Variants in TAOK1 observed in about 807,000 individuals in gnomAD.
TAOK1 encodes serine/threonine-protein kinase TAO1.
Under a neutral mutation model 138.3 loss-of-function variants are expected in TAOK1, and 21 were observed. The ratio of observed to expected loss-of-function variants is 0.15; its 90% CI spans 0.11 to 0.22. The LOEUF is 0.22. TAOK1 is among the 10% of genes least tolerant of loss of function. TAOK1 has a pLI of 1.00. For synonymous variants in TAOK1, 361 were observed against 398.4 expected (o/e 0.91, Z 1.12); for missense variants, 651 against 1,227.7 (o/e 0.53, Z 7.02).
Position 29,544,262 on chromosome 17 carries a change from C to A in TAOK1, c.*1240C>A, listed in dbSNP as rs555200669. The A allele has an allele frequency of 6.5e-6, 1 of 152,774 alleles. No homozygotes were observed. The highest frequency in any genetic ancestry group is 1.9e-4 in the East Asian group (1 of 5,190). 9.5% of individuals were successfully genotyped at this position (152,774 alleles called of 1,614,324 possible). On this transcript the variant is annotated 3_prime_UTR_variant, in exon 20 of 20. Transcript: ENST00000261716. Reference sequence around the variant, plus strand: ...ACTGAGCCAATGACTTTACCAGCTGCTGACTAATCTTCATCACCACTGTAG... The same window carrying A: ...ACTGAGCCAATGACTTTACCAGCTGATGACTAATCTTCATCACCACTGTAG...
rs2032387632 is a variant in TAOK1 at position 29,545,443 on chromosome 17, G to A, written c.*2421G>A. On this transcript the variant is annotated 3_prime_UTR_variant, in exon 20 of 20. Transcript: ENST00000261716. Reference sequence around the variant, plus strand: ...CTTTCAAACCCAAAATATTATTGGTGGTACATTTTAAAGTCCAATTGTGGA... The same window carrying A: ...CTTTCAAACCCAAAATATTATTGGTAGTACATTTTAAAGTCCAATTGTGGA... 1 of 152,100 alleles carries A rather than the reference G, an allele frequency of 6.6e-6. No homozygotes were observed. Among genetic ancestry groups the A allele is most frequent in the African/African-American group, 2.4e-5 (1 of 41,424 alleles). The allele number at this position is 152,100 out of a possible 1,614,324, so 9.4% of individuals were successfully genotyped here.
At chr17:29,499,576 T>C (rs1341655526) in intron 12 of TAOK1, among the ~76,000 whole-genome samples, 1 of 147,870 alleles carries the variant, frequency 6.8e-6, no homozygotes, top group Non-Finnish European at 1.5e-5. Context: ...TTTTTTTTTT[T>C]GAGACAGAGT....
At chr17:29,537,131 G>A (rs1255060490) in intron 19 of TAOK1, among the ~76,000 whole-genome samples, 5 of 152,134 alleles carry the variant, frequency 3.3e-5, no homozygotes, top group Non-Finnish European at 5.9e-5. Context: ...CACTATTAAA[G>A]TATGGTTATA....
At position 29,407,133 on chromosome 17, in the gene TAOK1, G is replaced by A. The variant is rs189224389; in HGVS notation, c.-95+16109G>A. 5.9e-5 allele frequency among the ~76,000 whole-genome samples: 9 copies of A among 152,106 alleles called. No individual in the cohort carries two copies. The East Asian group carries it at 1.7e-3, about 30-fold the overall frequency. On this transcript the variant is annotated intron_variant, in intron 1 of 19. Transcript: ENST00000261716. ...GGGCTCAAGTGATCTTCCCATCTTAGCCTCCTGAGGAACTAGGACTGACTA... is the reference window on the plus strand; with the variant it reads ...GGGCTCAAGTGATCTTCCCATCTTAACCTCCTGAGGAACTAGGACTGACTA...
chr17:29,406,784 T>G (rs1598467079), intron 1 of TAOK1, among the ~76,000 whole-genome samples: 1 of 152,122 alleles, frequency 6.6e-6, no homozygotes, highest in African/African-American at 2.4e-5. Context: ...CCTAGGCTGG[T>G]CTTGAACTCC....
At chr17:29,395,646 C>CTTTTTT (rs10591199) in intron 1 of TAOK1, among the ~76,000 whole-genome samples, 1 of 129,754 alleles carries the variant, frequency 7.7e-6, no homozygotes, top group Non-Finnish European at 1.6e-5. Context: ...GGTATGTGTA[C>CTTTTTT]TTTTTTTTTT....
chr17:29,517,717 TC>T (rs1187622854), intron 16 of TAOK1, 61 bp downstream of exon 16: 101 of 1,490,450 alleles, frequency 6.8e-5, no homozygotes, highest in Non-Finnish European at 1.3e-5. Flanking sequence ...CTGAAAATAT[TC>T]CAATTCCATT....
Position 29,549,530 on chromosome 17 carries a change from T to G in TAOK1, c.*6508T>G, listed in dbSNP as rs1204545343. ...TTTCTCTCAGTGGCACATTTTGCTTTTTCTGAGCCCCAAATACATTGCCTG... is the reference window on the plus strand; with the variant it reads ...TTTCTCTCAGTGGCACATTTTGCTTGTTCTGAGCCCCAAATACATTGCCTG... On this transcript the variant is annotated 3_prime_UTR_variant, in exon 20 of 20. Coordinates refer to ENST00000261716, the MANE Select transcript of TAOK1 (RefSeq NM_020791.4). 6.6e-6 allele frequency: 1 copy of G among 152,204 alleles called. No homozygotes were observed. Among genetic ancestry groups the G allele is most frequent in the Non-Finnish European group, 1.5e-5 (1 of 68,032 alleles). The allele number at this position is 152,204 out of a possible 1,614,324, so 9.4% of individuals were successfully genotyped here.
At chr17:29,468,935 C>T (rs898026063) in intron 3 of TAOK1, among the ~76,000 whole-genome samples, 4 of 151,998 alleles carry the variant, frequency 2.6e-5, no homozygotes, top group South Asian at 2.1e-4. Flanking sequence ...GTCTGAGAAA[C>T]GAGCAATGTA....
intron 11 of TAOK1, among the ~76,000 whole-genome samples, chr17:29,497,482 T>G (rs1046920604): frequency 1.3e-5 from 2 of 152,162 alleles, no homozygotes; most frequent in African/African-American, 2.4e-5. Flanking sequence ...TATATGTGTC[T>G]GTGTTTATTA....
intron 17 of TAOK1, among the ~76,000 whole-genome samples, chr17:29,525,101 TTTTTG>T (rs577019923): frequency 1.8e-4 from 28 of 151,788 alleles, no homozygotes; most frequent in African/African-American, 5.8e-4. Flanking sequence ...ATGTTTGTTT[TTTTTG>T]TTTTGTTTTG....
intron 6 of TAOK1, among the ~76,000 whole-genome samples, chr17:29,478,951 C>G (rs1410251257): frequency 6.6e-6 from 1 of 152,042 alleles, no homozygotes; most frequent in Non-Finnish European, 1.5e-5. Context: ...ATGGTAAAAC[C>G]TCGTCTCCAC....
At chr17:29,463,598 A>G (rs2030582956) in intron 2 of TAOK1, among the ~76,000 whole-genome samples, 2 of 152,004 alleles carry the variant, frequency 1.3e-5, no homozygotes, top group Non-Finnish European at 2.9e-5. Flanking sequence ...AACTCAAAAT[A>G]GATGAGAGAC....
chr17:29,467,820 T>A (rs1006754011), intron 3 of TAOK1, among the ~76,000 whole-genome samples: 1 of 151,462 alleles, frequency 6.6e-6, no homozygotes, highest in Admixed American at 6.6e-5. Flanking sequence ...TATTTATTTA[T>A]TTATTTATTT....
At chr17:29,501,236 AAAAAAAG>A (rs1395887236) in intron 12 of TAOK1, among the ~76,000 whole-genome samples, 6 of 150,360 alleles carry the variant, frequency 4.0e-5, no homozygotes, top group South Asian at 2.1e-4. Flanking sequence ...AAAAAAAAAA[AAAAAAAG>A]AAAAGAAAAG....
At chr17:29,452,871 A>G (rs2030272765) in intron 2 of TAOK1, among the ~76,000 whole-genome samples, 1 of 152,312 alleles carries the variant, frequency 6.6e-6, no homozygotes, top group Non-Finnish European at 1.5e-5. Context: ...TAATTTGTTT[A>G]TCTATACATC....
intron 3 of TAOK1, 81 bp downstream of exon 3, chr17:29,467,297 T>G: frequency 1.3e-6 from 1 of 790,928 alleles, no homozygotes; most frequent in Non-Finnish European, 1.9e-6. Context: ...TTTTTGAGAC[T>G]GAGTCTCCCT....
intron 1 of TAOK1, among the ~76,000 whole-genome samples, chr17:29,400,195 A>T (rs1452870243): frequency 6.6e-6 from 1 of 151,974 alleles, no homozygotes; most frequent in African/African-American, 2.4e-5. Context: ...GGAGTTCAAG[A>T]CCATCCTGGC....
chr17:29,477,805 T>C (rs1305021250), intron 5 of TAOK1, 99 bp downstream of exon 5: 3 of 662,078 alleles, frequency 4.5e-6, no homozygotes, highest in African/African-American at 1.9e-5. Context: ...TGTAAAACTT[T>C]CCAGAAAGAG....
Sources: gnomAD v4.1 joint callset for allele counts (sites outside exome capture counted in the v4.1 genomes callset) on GRCh38, gnomAD v4.1.1 for gene constraint, MANE v1.5 for transcripts, NCBI Gene and HGNC (gene_info 2026-07-23, HGNC 2026-07-21) for gene names.